The following EYS variants were observed in gnomAD, a reference collection of about 807,000 sequenced individuals.
EYS encodes EGF-like photoreceptor maintenance factor, also known as protein eyes shut homolog.
In EYS, 250 loss-of-function variants were observed where a neutral mutation model predicts 282.1. That is an observed-to-expected ratio of 0.89 (90% CI 0.80 to 0.98). The LOEUF (loss-of-function observed/expected upper bound fraction) is 0.98. EYS is among the 50% of genes least tolerant of loss of function. The probability of loss-of-function intolerance (pLI) is 0.00; values close to 1 mark genes in which losing one functional copy is unlikely to be tolerated. For synonymous variants in EYS, 1,355 were observed against 1,282.9 expected, an observed-to-expected ratio of 1.06 and a Z score of -1.20; for missense variants, 4,016 against 3,709.0, an observed-to-expected ratio of 1.08 and a Z score of -2.15.
chr6:65,333,763 T>C (rs1769881659), intron 11 of EYS, among the ~76,000 whole-genome samples: 1 of 151,692 alleles, frequency 6.6e-6, no homozygotes. Context: ...ATGTTTGTAA[T>C]CACTACCTTT....
At chr6:64,758,742 A>T (rs960101520) in intron 22 of EYS, among the ~76,000 whole-genome samples, 15 of 152,208 alleles carry the variant, frequency 9.9e-5, no homozygotes, top group African/African-American at 3.6e-4. Context: ...AGATGGAGCT[A>T]AAGTCTATTT....
intron 2 of EYS, among the ~76,000 whole-genome samples, chr6:65,553,158 C>G (rs1304037917): frequency 1.3e-5 from 2 of 152,106 alleles, no homozygotes; most frequent in Non-Finnish European, 2.9e-5. Flanking sequence ...AAATTCACTT[C>G]TATAGTGATA....
At chr6:64,918,733 GATA>G (rs1217706665) in intron 15 of EYS, among the ~76,000 whole-genome samples, 2 of 152,320 alleles carry the variant, frequency 1.3e-5, no homozygotes, top group Admixed American at 6.5e-5. Context: ...CTATTGGAAA[GATA>G]ATGATGCCAT....
chr6:64,304,850 T>C (rs938719000), intron 30 of EYS, among the ~76,000 whole-genome samples: 1 of 151,934 alleles, frequency 6.6e-6, no homozygotes, highest in Non-Finnish European at 1.5e-5. Flanking sequence ...CACACCAAAA[T>C]GTACGAGATG....
At chr6:65,669,344 C>G (rs1275682293) in intron 1 of EYS, among the ~76,000 whole-genome samples, 2 of 151,862 alleles carry the variant, frequency 1.3e-5, no homozygotes, top group African/African-American at 2.4e-5. Flanking sequence ...AAGATTTAGT[C>G]ATACAAAAAC....
chr6:64,424,241 T>C (rs1409078613), intron 28 of EYS, among the ~76,000 whole-genome samples: 1 of 152,184 alleles, frequency 6.6e-6, no homozygotes. Context: ...CTACATAAAA[T>C]ATGCACACAG....
intron 26 of EYS, among the ~76,000 whole-genome samples, chr6:64,549,195 A>G (rs573716336): frequency 6.6e-6 from 1 of 152,284 alleles, no homozygotes; most frequent in South Asian, 2.1e-4. Context: ...ATTCTCACAC[A>G]CAGATACTCA....
intron 40 of EYS, among the ~76,000 whole-genome samples, chr6:63,774,424 C>T (rs1327316871): frequency 6.6e-6 from 1 of 152,128 alleles, no homozygotes; most frequent in Non-Finnish European, 1.5e-5. Context: ...CCATCTCGGC[C>T]TCCCAAAGTG....
intron 26 of EYS, among the ~76,000 whole-genome samples, chr6:64,477,414 G>A (rs762507040): frequency 6.6e-6 from 1 of 152,030 alleles, no homozygotes. Context: ...ATAATTAGAA[G>A]ACAGCTTTTG....
chr6:64,851,599 A>G (rs1170114241), intron 19 of EYS, among the ~76,000 whole-genome samples: 1 of 152,136 alleles, frequency 6.6e-6, no homozygotes, highest in Non-Finnish European at 1.5e-5. Context: ...AGGATACACC[A>G]TGGAATACTA....
intron 22 of EYS, among the ~76,000 whole-genome samples, chr6:64,703,429 A>ATATATATATTTTTTTT (rs869208549): frequency 8.6e-5 from 2 of 23,362 alleles, no homozygotes; most frequent in Non-Finnish European, 1.1e-4. Flanking sequence ...ATATATATAT[A>ATATATATATTTTTTTT]TTTTTTTTTT....
chr6:64,756,649 T>A lies in EYS; in HGVS notation c.3443+56729A>T, dbSNP rs1053764499. 2.0e-5 allele frequency among the ~76,000 whole-genome samples: 3 copies of A among 152,174 alleles called. No homozygotes were observed. In the South Asian group the frequency reaches 6.2e-4, roughly 31 times the overall value. On this transcript the variant is annotated intron_variant, in intron 22 of 42. Coordinates refer to ENST00000503581, the MANE Select transcript of EYS (RefSeq NM_001142800.2). ...ATTTTAGTTGAAAACAGAACCTTATTAAAATTGGAGCGTTATACATGTAAA... is the reference window on the plus strand; with the variant it reads ...ATTTTAGTTGAAAACAGAACCTTATAAAAATTGGAGCGTTATACATGTAAA...
intron 26 of EYS, among the ~76,000 whole-genome samples, chr6:64,521,489 G>C (rs1172880729): frequency 6.6e-6 from 1 of 151,676 alleles, no homozygotes; most frequent in Non-Finnish European, 1.5e-5. Flanking sequence ...CAGCTACTTA[G>C]AGTACTAAAG....
At chr6:63,970,792 A>G (rs1170086413) in intron 35 of EYS, among the ~76,000 whole-genome samples, 1 of 152,128 alleles carries the variant, frequency 6.6e-6, no homozygotes, top group Admixed American at 6.5e-5. Context: ...CTTCATTTTA[A>G]TCCACTTATT....
At chr6:65,596,225 C>T (rs1240676971) in intron 2 of EYS, among the ~76,000 whole-genome samples, 1 of 152,010 alleles carries the variant, frequency 6.6e-6, no homozygotes, top group Non-Finnish European at 1.5e-5. Context: ...CTTCGGTGTC[C>T]TTAGAGACCT....
rs569676766 is a variant in EYS at position 64,200,484 on chromosome 6, A to C, written c.6424+30108T>G. Among the ~76,000 whole-genome samples, 12 of 152,270 alleles carry C rather than the reference A, an allele frequency of 7.9e-5. 1 individual carries two copies. The South Asian group carries it at 2.5e-3, about 32-fold the overall frequency. On this transcript the variant is annotated intron_variant, in intron 31 of 42. Transcript: ENST00000503581. Reference sequence around the variant, plus strand: ...AACAGTTAAAAAATTTTTATAAAGTAAAAAATTCAAGTATTGCATACTAGC... The same window carrying C: ...AACAGTTAAAAAATTTTTATAAAGTCAAAAATTCAAGTATTGCATACTAGC...
intron 22 of EYS, among the ~76,000 whole-genome samples, chr6:64,701,792 T>C (rs1770800395): frequency 6.6e-6 from 1 of 151,996 alleles, no homozygotes; most frequent in Non-Finnish European, 1.5e-5. Context: ...CACTATACAA[T>C]ATATCCATGT....
rs1017900707 is a variant in EYS, at chr6:65,536,445, G to T, written c.-332-40452C>A. 2.0e-5 allele frequency among the ~76,000 whole-genome samples: 3 copies of T among 151,894 alleles called. No homozygotes were observed. The South Asian group carries it at 6.2e-4, about 31-fold the overall frequency. On this transcript the variant is annotated intron_variant, in intron 2 of 42. Coordinates refer to ENST00000503581, the MANE Select transcript of EYS (RefSeq NM_001142800.2). ...TACTGGGGAGACTAATAAGTTGAAT[G>T]AATATTAACAATTATGTTTCACAAC...
At chr6:64,217,557 G>T (rs1016401573) in intron 31 of EYS, among the ~76,000 whole-genome samples, 1 of 152,024 alleles carries the variant, frequency 6.6e-6, no homozygotes, top group Admixed American at 6.6e-5. Flanking sequence ...AGGAACTGCA[G>T]AAAGAAATAC....
Sources: allele counts gnomAD v4.1 joint callset (sites outside exome capture counted in the v4.1 genomes callset), GRCh38; gene constraint gnomAD v4.1.1; transcripts MANE v1.5; gene names NCBI Gene and HGNC (gene_info 2026-07-23, HGNC 2026-07-21).